DNAJC27: variants seen among roughly 807,000 people sequenced by gnomAD.
DNAJC27 encodes dnaJ homolog subfamily C member 27.
DNAJC27 carries 25 observed loss-of-function variants against 31.4 expected under a neutral mutation model. The ratio of observed to expected loss-of-function variants is 0.80; its 90% confidence interval spans 0.58 to 1.11. The LOEUF (loss-of-function observed/expected upper bound fraction) is 1.11. Among genes scored for constraint, DNAJC27 ranks in the 50% most tolerant of loss-of-function variants. The pLI, the probability that DNAJC27 is intolerant of heterozygous loss-of-function variation, is 0.00. For synonymous variants in DNAJC27, 106 were observed against 112.7 expected (o/e 0.94, Z 0.37); for missense variants, 356 against 347.3 (o/e 1.02, Z -0.20).
Position 24,957,942 on chromosome 2 carries a change from A to T in DNAJC27, c.273T>A (p.Gly91=). 6.2e-7 allele frequency: 1 copy of T among 1,613,774 alleles called. No individual in the cohort carries two copies. Among genetic ancestry groups the T allele is most frequent in the Non-Finnish European group, 8.5e-7 (1 of 1,179,906 alleles). ...GCCCAACATCATAGACCAGTATCACACCCTGTGTGTCCTTGTAAAACTCAT... is the reference window on the plus strand; with the variant it reads ...GCCCAACATCATAGACCAGTATCACTCCCTGTGTGTCCTTGTAAAACTCAT... ...VRNEFYKDTQ[G]VILVYDVGQK... is the part of the protein sequence containing the mutation. Residue 91 remains glycine, a synonymous_variant, in exon 4 of 7, where the codon GGT becomes GGA. Coordinates refer to ENST00000264711, the MANE Select transcript of DNAJC27 (RefSeq NM_016544.3).
chr2:24,950,333 T>C (rs955861598), intron 6 of DNAJC27, among the ~76,000 whole-genome samples: 33 of 152,096 alleles, frequency 2.2e-4, no homozygotes, highest in Middle Eastern at 3.2e-3. Flanking sequence ...CTTTTTTCTT[T>C]TGTGAGAATC....
intron 1 of DNAJC27, among the ~76,000 whole-genome samples, chr2:24,971,013 T>A (rs1365074580): frequency 1.3e-5 from 2 of 152,124 alleles, no homozygotes; most frequent in Non-Finnish European, 2.9e-5. Context: ...TGTGAAGACT[T>A]AGGTTCTAAT....
Position 24,951,265 on chromosome 2 carries a change from C to T in DNAJC27, c.689+129G>A, listed in dbSNP as rs928046318. 4.1e-6 allele frequency: 4 copies of T among 981,530 alleles called. No individual in the cohort carries two copies. In the African/African-American group the frequency reaches 6.5e-5, roughly 16 times the overall value. 60.8% of individuals were successfully genotyped at this position (981,530 alleles called of 1,614,324 possible). On this transcript the variant is annotated intron_variant, in intron 6 of 6. Coordinates refer to ENST00000264711, the MANE Select transcript of DNAJC27 (RefSeq NM_016544.3). ...TTCAGCTAATTCAGTGAAACTGAGT[C>T]ATTCTAATATATTTTCATACATCTT...
chr2:24,971,995 C>T, upstream of DNAJC27: 1 of 923,696 alleles, frequency 1.1e-6, no homozygotes, highest in South Asian at 2.0e-5. Context: ...GGCGGAGCCG[C>T]TGCTCTCGTC....
chr2:24,966,131 GA>G (rs2149130535), intron 2 of DNAJC27, among the ~76,000 whole-genome samples: 1 of 152,294 alleles, frequency 6.6e-6, no homozygotes, highest in African/African-American at 2.4e-5. Context: ...GACCTTACGG[GA>G]ACAGGAGAAT....
At chr2:24,956,342 G>T (rs1225757876) in intron 5 of DNAJC27, among the ~76,000 whole-genome samples, 1 of 152,156 alleles carries the variant, frequency 6.6e-6, no homozygotes, top group East Asian at 1.9e-4. Context: ...ATAAGTTATT[G>T]TTTTAAATAG....
chr2:24,963,556 G>T, intron 2 of DNAJC27, 82 bp from the exon 3 acceptor site: 3 of 1,183,848 alleles, frequency 2.5e-6, no homozygotes, highest in Admixed American at 2.0e-5. Flanking sequence ...ATTTCAAAAG[G>T]ATATGTGTAT....
At chr2:24,964,715 A>C (rs1283431091) in intron 2 of DNAJC27, among the ~76,000 whole-genome samples, 1 of 152,186 alleles carries the variant, frequency 6.6e-6, no homozygotes, top group Non-Finnish European at 1.5e-5. Flanking sequence ...CTTCCAAAAA[A>C]ATTTCTGCCA....
Position 24,946,597 on chromosome 2 carries a change from CT to C in DNAJC27, c.*1018del, listed in dbSNP as rs1665656718. The C allele has an allele frequency of 6.6e-6, 1 of 152,244 alleles. No homozygotes were observed. The highest frequency in any genetic ancestry group is 2.4e-5 in the African/African-American group (1 of 41,464). 9.4% of individuals were successfully genotyped at this position (152,244 alleles called of 1,614,324 possible). A position where few individuals can be genotyped will look rare whatever the true frequency, so the allele number is the denominator to read the frequency against. The stretch of plus-strand genomic sequence containing the variant: ...TAAGCCTCATAAGGAGTCTCTCCTA[CT>C]GCATCAAGCTTGCCCCAAGCTTGGC... On this transcript the variant is annotated 3_prime_UTR_variant, in exon 7 of 7. Coordinates refer to ENST00000264711, the MANE Select transcript of DNAJC27 (RefSeq NM_016544.3).
At chr2:24,953,969 C>T (rs372871674) in intron 5 of DNAJC27, among the ~76,000 whole-genome samples, 117 of 152,278 alleles carry the variant, frequency 7.7e-4, no homozygotes, top group Middle Eastern at 3.4e-3. Context: ...AAGTGCAAGA[C>T]GGCTCCCTGA....
Position 24,957,181 on chromosome 2 carries a change from C to T in DNAJC27, c.406-16G>A, listed in dbSNP as rs371157118. On this transcript the variant is annotated splice_polypyrimidine_tract_variant and intron_variant, in intron 4 of 6. Transcript: ENST00000264711. ...TACAATCAATCTGAAATAGAAGGGG[C>T]GGGGGACAGAGAGAAGATTACAATC... 24 of 1,575,554 alleles carry T rather than the reference C, an allele frequency of 1.5e-5. No homozygotes were observed. The highest frequency in any genetic ancestry group is 4.7e-5 in the South Asian group (4 of 84,686).
chr2:24,966,904 A>T (rs1455663466), intron 2 of DNAJC27, among the ~76,000 whole-genome samples: 1 of 152,240 alleles, frequency 6.6e-6, no homozygotes, highest in Non-Finnish European at 1.5e-5. Flanking sequence ...GGACCTGCTA[A>T]TATAAAAACA....
chr2:24,963,581 T>C, intron 2 of DNAJC27, 107 bp from the exon 3 acceptor site: 1 of 796,688 alleles, frequency 1.3e-6, no homozygotes, highest in Non-Finnish European at 2.0e-6. Context: ...TTTAAGAAGC[T>C]TTCTTAGTGC....
At chr2:24,967,318 T>C (rs1445416140) in intron 1 of DNAJC27, 25 bp from the exon 2 acceptor site, 1 of 1,439,730 alleles carries the variant, frequency 6.9e-7, no homozygotes, top group East Asian at 2.3e-5. Flanking sequence ...AATACAGGCA[T>C]TTAGTAAATA....
chr2:24,957,422 T>TC (rs1318544480), intron 4 of DNAJC27, among the ~76,000 whole-genome samples: 1 of 152,184 alleles, frequency 6.6e-6, no homozygotes, highest in Non-Finnish European at 1.5e-5. Context: ...CAGCTGTTAC[T>TC]CAGTTCTGTG....
intron 4 of DNAJC27, 67 bp downstream of exon 4, chr2:24,957,743 G>T: frequency 2.8e-6 from 4 of 1,416,664 alleles, no homozygotes; most frequent in South Asian, 1.3e-5. Context: ...TTTTCTTTTT[G>T]TTTCCCAACA....
At chr2:24,971,178 A>T (rs1240657150) in intron 1 of DNAJC27, among the ~76,000 whole-genome samples, 1 of 152,132 alleles carries the variant, frequency 6.6e-6, no homozygotes, top group East Asian at 1.9e-4. Flanking sequence ...CCCACGTACT[A>T]AAGGAGAGTT....
At chr2:24,949,767 T>C (rs1354706880) in intron 6 of DNAJC27, among the ~76,000 whole-genome samples, 1 of 152,182 alleles carries the variant, frequency 6.6e-6, no homozygotes. Context: ...TTAATGAATA[T>C]TGTTCTAAGT....
At chr2:24,954,650 T>C (rs1307079246) in intron 5 of DNAJC27, among the ~76,000 whole-genome samples, 1 of 152,166 alleles carries the variant, frequency 6.6e-6, no homozygotes, top group Non-Finnish European at 1.5e-5. Flanking sequence ...CAAGAATCAA[T>C]AGTCAGGCTG....
Sources: allele counts gnomAD v4.1 joint callset (sites outside exome capture counted in the v4.1 genomes callset), GRCh38; gene constraint gnomAD v4.1.1; transcripts MANE v1.5; gene names NCBI Gene and HGNC (gene_info 2026-07-23, HGNC 2026-07-21).